The following LAPTM5 variants were observed in gnomAD, a reference collection of about 807,000 sequenced individuals.
LAPTM5 encodes lysosomal-associated transmembrane protein 5.
Under a neutral mutation model 30.1 loss-of-function variants are expected in LAPTM5, and 11 were observed. That is an observed-to-expected ratio of 0.37 (90% CI 0.23 to 0.60). The LOEUF (loss-of-function observed/expected upper bound fraction) is 0.60. Ranked by LOEUF, LAPTM5 falls within the 20% of genes least tolerant of loss-of-function variation. LAPTM5 has a pLI of 0.71. For synonymous variants in LAPTM5, 151 were observed against 137.9 expected, an observed-to-expected ratio of 1.10 and a Z score of -0.67; for missense variants, 324 against 332.5, an observed-to-expected ratio of 0.97 and a Z score of 0.20.
intron 1 of LAPTM5, among the ~76,000 whole-genome samples, chr1:30,754,155 T>C (rs999042882): frequency 9.2e-5 from 14 of 152,134 alleles, no homozygotes; most frequent in African/African-American, 3.4e-4. Context: ...CAAAAGTGTC[T>C]TCTGGGGGTG....
chr1:30,748,553 C>T (rs577347799), intron 1 of LAPTM5, among the ~76,000 whole-genome samples: 2 of 152,338 alleles, frequency 1.3e-5, no homozygotes, highest in South Asian at 2.1e-4. Context: ...CAAGAGGAAG[C>T]TCCCCTTCCC....
chr1:30,748,791 C>T (rs576497511), intron 1 of LAPTM5, among the ~76,000 whole-genome samples: 2 of 152,382 alleles, frequency 1.3e-5, no homozygotes, highest in East Asian at 1.9e-4. Context: ...GCCGCCTCCA[C>T]CTCATCCCCT....
chr1:30,739,322 A>C lies in LAPTM5; in HGVS notation c.388-260T>G. The C allele has an allele frequency of 2.6e-6, 1 of 386,196 alleles. No homozygotes were observed. The highest frequency in any genetic ancestry group is 4.8e-6 in the Non-Finnish European group (1 of 208,676). 23.9% of individuals were successfully genotyped at this position (386,196 alleles called of 1,614,324 possible). A position where few individuals can be genotyped will look rare whatever the true frequency, so the allele number is the denominator to read the frequency against. On this transcript the variant is annotated intron_variant, in intron 4 of 7. Transcript: ENST00000294507. This position sits in a 1 kb window ranked among gnomAD's most constrained non-coding sequence, Gnocchi z 4.2. ...GTAGCCCCCCGGTCTCTTCAAGGAC[A>C]ACAGTTGGGGAGAGTGAGAAAAGCA... is the stretch of plus-strand genomic sequence containing the variant.
chr1:30,739,031 T>A lies in LAPTM5; in HGVS notation c.419A>T (p.Gln140Leu), dbSNP rs1253423170. ...SSSKFPLMTL[Q>L]LLDFCLSILT... ...GATGCTCAGGCAGAAGTCCAGCAGC[T>A]GCAGCGTCATCAGGGGGAACTTGGA... Residue 140 changes from glutamine to leucine, a missense_variant, in exon 5 of 8, where the codon CAG (glutamine) becomes CTG (leucine). Coordinates refer to ENST00000294507, the MANE Select transcript of LAPTM5 (RefSeq NM_006762.3). The surrounding 1 kb of genome is among the most constrained non-coding windows in gnomAD (Gnocchi z 4.2). The A allele has an allele frequency of 6.2e-7, 1 of 1,603,328 alleles. No individual in the cohort carries two copies. Among genetic ancestry groups the A allele is most frequent in the African/African-American group, 1.3e-5 (1 of 74,842 alleles).
At chr1:30,747,902 A>T (rs1157172813) in intron 1 of LAPTM5, among the ~76,000 whole-genome samples, 1 of 152,066 alleles carries the variant, frequency 6.6e-6, no homozygotes, top group Non-Finnish European at 1.5e-5. Flanking sequence ...ATGATCAGAG[A>T]TGCTGTTGGT....
chr1:30,741,224 A>G (rs369379575), intron 3 of LAPTM5, among the ~76,000 whole-genome samples: 5 of 152,118 alleles, frequency 3.3e-5, no homozygotes, highest in African/African-American at 7.2e-5. Context: ...AGCTGCATGC[A>G]TCCTACTTTC....
chr1:30,755,774 A>G (rs1249408957), intron 1 of LAPTM5, among the ~76,000 whole-genome samples: 1 of 152,238 alleles, frequency 6.6e-6, no homozygotes, highest in Non-Finnish European at 1.5e-5. Flanking sequence ...TCTACCATGC[A>G]TCAATCACTA....
chr1:30,742,625 G>A (rs1639988083), intron 1 of LAPTM5, 76 bp from the exon 2 acceptor site: 17 of 1,188,772 alleles, frequency 1.4e-5, no homozygotes, highest in Middle Eastern at 3.8e-4. Flanking sequence ...CCTTAGTGGT[G>A]TACAGCAGGG....
chr1:30,753,712 C>T (rs1210747530), intron 1 of LAPTM5, among the ~76,000 whole-genome samples: 1 of 152,096 alleles, frequency 6.6e-6, no homozygotes, highest in Non-Finnish European at 1.5e-5. Flanking sequence ...AATCTTGGAA[C>T]AGAAAAAGGA....
chr1:30,749,040 G>A (rs1356708759), intron 1 of LAPTM5, among the ~76,000 whole-genome samples: 8 of 152,226 alleles, frequency 5.3e-5, no homozygotes, highest in East Asian at 1.9e-4. Context: ...CACCCAGCAC[G>A]GAGCCTGGTG....
chr1:30,751,857 G>A (rs531469337), intron 1 of LAPTM5, among the ~76,000 whole-genome samples: 1 of 152,294 alleles, frequency 6.6e-6, no homozygotes, highest in Admixed American at 6.5e-5. Flanking sequence ...TTGAGGCAGG[G>A]ACCACTGGCC....
intron 7 of LAPTM5, 121 bp from the exon 8 acceptor site, chr1:30,734,038 C>T (rs1318812030): frequency 9.1e-7 from 1 of 1,093,410 alleles, no homozygotes; most frequent in Non-Finnish European, 1.3e-6. Context: ...ACTGGCAGGT[C>T]TTGGATATTT....
Position 30,739,197 on chromosome 1 carries a change from A to G in LAPTM5, c.388-135T>C. Reference sequence around the variant, plus strand: ...TCAGTGACTCTCGTCCCCTGTGCACAGAGAGACATGAACACACAGATGTTC... The same window carrying G: ...TCAGTGACTCTCGTCCCCTGTGCACGGAGAGACATGAACACACAGATGTTC... On this transcript the variant is annotated intron_variant, in intron 4 of 7. Coordinates refer to ENST00000294507, the MANE Select transcript of LAPTM5 (RefSeq NM_006762.3). The surrounding 1 kb of genome is among the most constrained non-coding windows in gnomAD (Gnocchi z 4.2). 1 of 1,153,496 alleles carries G rather than the reference A, an allele frequency of 8.7e-7. No individual in the cohort carries two copies. The highest frequency in any genetic ancestry group is 1.2e-6 in the Non-Finnish European group (1 of 829,024). 71.5% of individuals were successfully genotyped at this position (1,153,496 alleles called of 1,614,324 possible).
chr1:30,751,795 AC>A (rs1640142034), intron 1 of LAPTM5, among the ~76,000 whole-genome samples: 1 of 152,102 alleles, frequency 6.6e-6, no homozygotes, highest in South Asian at 2.1e-4. Flanking sequence ...TCAGGCACTC[AC>A]CTGCTAGCCC....
chr1:30,757,025 G>C (rs965051952), intron 1 of LAPTM5, among the ~76,000 whole-genome samples: 6 of 152,240 alleles, frequency 3.9e-5, no homozygotes, highest in African/African-American at 1.4e-4. Flanking sequence ...CCCAACAAGA[G>C]CTTGGGCCGG....
rs376284297 is a variant in LAPTM5 at position 30,735,162 on chromosome 1, G to C, written c.699+11C>G. 6.2e-7 allele frequency: 1 copy of C among 1,607,540 alleles called. No individual in the cohort carries two copies. Among genetic ancestry groups the C allele is most frequent in the African/African-American group, 1.3e-5 (1 of 74,828 alleles). On this transcript the variant is annotated intron_variant, in intron 7 of 7. Coordinates refer to ENST00000294507, the MANE Select transcript of LAPTM5 (RefSeq NM_006762.3). ...GTGACAGGGCTGGCACCCACCTGCA[G>C]CCACACTCACCTTCTGGAGCATCTT...
Position 30,739,817 on chromosome 1 carries a change from T to G in LAPTM5, c.379A>C (p.Ser127Arg). 1.2e-6 allele frequency: 2 copies of G among 1,602,862 alleles called. No individual in the cohort carries two copies. Among genetic ancestry groups the G allele is most frequent in the Non-Finnish European group, 1.7e-6 (2 of 1,174,286 alleles). The change falls in exon 4 of 8, where the codon AGC becomes CGC. Residue 127 changes from serine (S) to arginine (R), a missense_variant. Transcript: ENST00000294507. This position sits in a 1 kb window ranked among gnomAD's most constrained non-coding sequence, Gnocchi z 4.2. ...LPAYLKLASRSRASSSKFPLM... is the reference protein window; with the variant it reads ...LPAYLKLASRRRASSSKFPLM... ...GGGGGCTGGGTACTCACAGCACGGC[T>G]CCGGGAGGCCAACTTGAGGTAGGCG... is the stretch of plus-strand genomic sequence containing the variant.
At chr1:30,740,392 G>A (rs1639950943) in intron 3 of LAPTM5, among the ~76,000 whole-genome samples, 1 of 134,820 alleles carries the variant, frequency 7.4e-6, no homozygotes, top group African/African-American at 2.6e-5. Flanking sequence ...AGGCAGCAGA[G>A]AGCCCCTCCC....
At chr1:30,738,673 G>A (rs1639924089) in intron 5 of LAPTM5, among the ~76,000 whole-genome samples, 1 of 152,216 alleles carries the variant, frequency 6.6e-6, no homozygotes, top group African/African-American at 2.4e-5. Flanking sequence ...ACATGCCAAA[G>A]CCCTCTCTGG....
Sources: allele counts gnomAD v4.1 joint callset (sites outside exome capture counted in the v4.1 genomes callset), GRCh38; gene constraint gnomAD v4.1.1; non-coding constraint Gnocchi (gnomAD v3.1); transcripts MANE v1.5; gene names NCBI Gene and HGNC (gene_info 2026-07-23, HGNC 2026-07-21).